The following RFX3 variants were observed in gnomAD, a reference collection of about 807,000 sequenced individuals.
RFX3 encodes the protein regulatory factor X3, also known as transcription factor RFX3.
In RFX3, 14 loss-of-function variants were observed where a neutral mutation model predicts 98.6. That is an observed-to-expected ratio of 0.14 (90% CI 0.09 to 0.22). The LOEUF (loss-of-function observed/expected upper bound fraction) is 0.22. Ranked by LOEUF, RFX3 falls within the 10% of genes least tolerant of loss-of-function variation. The pLI is 1.00. For synonymous variants in RFX3, 383 were observed against 328.4 expected, an observed-to-expected ratio of 1.17 and a Z score of -1.80; for missense variants, 639 against 926.9, an observed-to-expected ratio of 0.69 and a Z score of 4.03.
intron 14 of RFX3, among the ~76,000 whole-genome samples, chr9:3,255,123 C>T (rs1305321756): frequency 6.6e-6 from 1 of 152,170 alleles, no homozygotes. Context: ...TCTTATGAAA[C>T]ATATAATGTG....
intron 1 of RFX3, among the ~76,000 whole-genome samples, chr9:3,472,449 TATC>T (rs756131011): frequency 6.6e-6 from 1 of 152,186 alleles, no homozygotes; most frequent in Non-Finnish European, 1.5e-5. Flanking sequence ...AGCTCATAGT[TATC>T]ATTCAAAATT....
rs1817597264 is a variant in RFX3 at position 3,224,905 on chromosome 9, A to G, written c.*137T>C. On this transcript the variant is annotated 3_prime_UTR_variant, in exon 17 of 17. Transcript: ENST00000617270. ...CTGGCAAAATACATACACCCATTCC[A>G]TTTCACAACTCCAAAAAGTTAATGT... The G allele has an allele frequency of 1.2e-6, 1 of 833,772 alleles. No homozygotes were observed. Among genetic ancestry groups the G allele is most frequent in the Non-Finnish European group, 1.9e-6 (1 of 526,780 alleles). The allele number at this position is 833,772 out of a possible 1,614,324, so 51.6% of individuals were successfully genotyped here.
chr9:3,317,574 G>C (rs1241611121), intron 4 of RFX3, among the ~76,000 whole-genome samples: 2 of 152,182 alleles, frequency 1.3e-5, no homozygotes, highest in Non-Finnish European at 2.9e-5. Context: ...CCATCAGAGT[G>C]AACAGACAAC....
intron 1 of RFX3, among the ~76,000 whole-genome samples, chr9:3,458,197 A>T (rs1587736827): frequency 6.6e-6 from 1 of 152,324 alleles, no homozygotes; most frequent in African/African-American, 2.4e-5. Context: ...ATATGGGGTC[A>T]GTTATTAAAA....
intron 15 of RFX3, among the ~76,000 whole-genome samples, chr9:3,236,902 T>C (rs1819231345): frequency 1.3e-5 from 2 of 152,252 alleles, no homozygotes; most frequent in Admixed American, 6.5e-5. Context: ...TGCCAGTTTC[T>C]GTGAATGAAT....
intron 2 of RFX3, among the ~76,000 whole-genome samples, chr9:3,349,000 C>T (rs1463404263): frequency 6.6e-6 from 1 of 152,092 alleles, no homozygotes; most frequent in Non-Finnish European, 1.5e-5. Flanking sequence ...AATTGGGACC[C>T]ATTAATGCTT....
intron 3 of RFX3, among the ~76,000 whole-genome samples, chr9:3,340,646 T>C (rs1833779598): frequency 6.6e-6 from 1 of 152,044 alleles, no homozygotes; most frequent in African/African-American, 2.4e-5. Context: ...AAAAGACACA[T>C]GAAAAAATGC....
intron 2 of RFX3, among the ~76,000 whole-genome samples, chr9:3,368,642 T>C (rs1339782466): frequency 6.6e-6 from 1 of 152,236 alleles, no homozygotes; most frequent in Non-Finnish European, 1.5e-5. Context: ...AAGATATTAT[T>C]GACCTAATTA....
At chr9:3,376,323 G>C (rs1390143782) in intron 2 of RFX3, among the ~76,000 whole-genome samples, 1 of 152,124 alleles carries the variant, frequency 6.6e-6, no homozygotes, top group South Asian at 2.1e-4. Context: ...GACTCAACAG[G>C]TCCACTCCTA....
intron 2 of RFX3, among the ~76,000 whole-genome samples, chr9:3,384,809 C>T (rs1392178996): frequency 4.6e-5 from 7 of 152,160 alleles, no homozygotes; most frequent in Non-Finnish European, 1.0e-4. Flanking sequence ...CCCACGCTCT[C>T]CCCCAGCCAT....
At chr9:3,262,867 A>G in intron 13 of RFX3, 68 bp downstream of exon 13, 1 of 1,475,386 alleles carries the variant, frequency 6.8e-7, no homozygotes, top group Non-Finnish European at 9.4e-7. Flanking sequence ...AAATTTGATG[A>G]TCCCAATTAA....
intron 15 of RFX3, among the ~76,000 whole-genome samples, chr9:3,238,062 G>GT (rs1243209231): frequency 6.6e-6 from 1 of 152,056 alleles, no homozygotes; most frequent in African/African-American, 2.4e-5. Context: ...AGTTCACAAC[G>GT]TGAGGACTGA....
intron 1 of RFX3, among the ~76,000 whole-genome samples, chr9:3,419,379 C>T (rs1024042743): frequency 2.0e-5 from 3 of 151,982 alleles, no homozygotes; most frequent in African/African-American, 7.3e-5. Flanking sequence ...ATATGTTTGA[C>T]AGAATAAGAT....
intron 1 of RFX3, among the ~76,000 whole-genome samples, chr9:3,515,819 T>G (rs1818099364): frequency 6.6e-6 from 1 of 152,164 alleles, no homozygotes; most frequent in Non-Finnish European, 1.5e-5. Context: ...GTCCAGAAAC[T>G]TGAAAATGTC....
intron 1 of RFX3, chr9:3,524,771 G>A (rs1819053111): frequency 5.1e-6 from 1 of 197,754 alleles, no homozygotes; most frequent in South Asian, 1.8e-4. Flanking sequence ...ATAAAGCACT[G>A]TCAATAACTA....
At chr9:3,441,036 T>A (rs777492003) in intron 1 of RFX3, among the ~76,000 whole-genome samples, 2 of 152,198 alleles carry the variant, frequency 1.3e-5, no homozygotes, top group African/African-American at 2.4e-5. Flanking sequence ...TTTTCAAAAA[T>A]GAACTTTGGT....
intron 16 of RFX3, among the ~76,000 whole-genome samples, chr9:3,227,816 A>C (rs1006091691): frequency 6.6e-6 from 1 of 152,174 alleles, no homozygotes; most frequent in Non-Finnish European, 1.5e-5. Context: ...TTGTAGCAAC[A>C]ATTTTTTTGG....
At chr9:3,489,944 G>A (rs1735877133) in intron 1 of RFX3, among the ~76,000 whole-genome samples, 1 of 152,078 alleles carries the variant, frequency 6.6e-6, no homozygotes, top group South Asian at 2.1e-4. Flanking sequence ...TGGTTGGGAT[G>A]GGAAGTTGGT....
At chr9:3,461,754 C>A (rs1195615118) in intron 1 of RFX3, among the ~76,000 whole-genome samples, 1 of 151,806 alleles carries the variant, frequency 6.6e-6, no homozygotes, top group Non-Finnish European at 1.5e-5. Flanking sequence ...TATGTCATAT[C>A]TATGGCTTAT....
Sources: gnomAD v4.1 joint callset for allele counts (sites outside exome capture counted in the v4.1 genomes callset) on GRCh38, gnomAD v4.1.1 for gene constraint, MANE v1.5 for transcripts, NCBI Gene and HGNC (gene_info 2026-07-23, HGNC 2026-07-21) for gene names.